USP15: variants seen among roughly 807,000 people sequenced by gnomAD.
USP15 encodes ubiquitin carboxyl-terminal hydrolase 15.
Under a neutral mutation model 127.1 loss-of-function variants are expected in USP15, and 18 were observed. The ratio of observed to expected loss-of-function variants is 0.14; its 90% CI spans 0.10 to 0.21. USP15 has a LOEUF of 0.21. Ranked by LOEUF, USP15 falls within the 10% of genes least tolerant of loss-of-function variation. The probability of loss-of-function intolerance (pLI) is 1.00; values close to 1 mark genes in which losing one functional copy is unlikely to be tolerated. For synonymous variants in USP15, 364 were observed against 393.7 expected (o/e 0.92, Z 0.89); for missense variants, 805 against 1,159.9 (o/e 0.69, Z 4.44).
chr12:62,307,212 C>G (rs1487753898), intron 3 of USP15, among the ~76,000 whole-genome samples: 1 of 152,126 alleles, frequency 6.6e-6, no homozygotes, highest in Non-Finnish European at 1.5e-5. Context: ...CTTTGACCTC[C>G]CAAACTCCAA....
At chr12:62,338,817 G>A (rs987019311) in intron 6 of USP15, among the ~76,000 whole-genome samples, 1 of 151,826 alleles carries the variant, frequency 6.6e-6, no homozygotes, top group African/African-American at 2.4e-5. Flanking sequence ...CTGTTCTGTT[G>A]CATTGGTCTA....
chr12:62,291,530 T>A (rs904629117), intron 1 of USP15, among the ~76,000 whole-genome samples: 7 of 152,212 alleles, frequency 4.6e-5, no homozygotes, highest in Admixed American at 1.3e-4. Flanking sequence ...TTGGTTAGGA[T>A]TTATTGCTAG....
chr12:62,393,942 AAC>A (rs1483488779), intron 19 of USP15: 1 of 152,236 alleles, frequency 6.6e-6, no homozygotes, highest in East Asian at 1.9e-4. Context: ...TTAGAAGGAT[AAC>A]ACAGTAGTGA....
intron 1 of USP15, among the ~76,000 whole-genome samples, chr12:62,260,727 A>AGCG (rs879098451): frequency 3.3e-5 from 5 of 152,038 alleles, no homozygotes; most frequent in South Asian, 2.1e-4. Flanking sequence ...GTATCCGGGG[A>AGCG]GCGGCGGCGG....
At chr12:62,263,137 ATTTAG>A (rs772681357) in intron 1 of USP15, among the ~76,000 whole-genome samples, 11 of 152,064 alleles carry the variant, frequency 7.2e-5, no homozygotes, top group African/African-American at 1.2e-4. Flanking sequence ...ATATGTAATA[ATTTAG>A]TTTATGTTTT....
intron 6 of USP15, chr12:62,335,672 C>T (rs1001973229): frequency 1.2e-5 from 12 of 986,316 alleles, no homozygotes; most frequent in East Asian, 2.3e-4. Flanking sequence ...TCTTTAAAAC[C>T]AAAAACCATA....
At chr12:62,366,732 C>G (rs1230371643) in intron 8 of USP15, among the ~76,000 whole-genome samples, 1 of 152,104 alleles carries the variant, frequency 6.6e-6, no homozygotes, top group Non-Finnish European at 1.5e-5. Flanking sequence ...CCATCAATAC[C>G]TAGTTTATTG....
At chr12:62,321,176 A>G (rs1453774317) in intron 4 of USP15, among the ~76,000 whole-genome samples, 2 of 152,152 alleles carry the variant, frequency 1.3e-5, no homozygotes, top group Non-Finnish European at 2.9e-5. Flanking sequence ...TAAAATTTAA[A>G]GTTTATCCTG....
chr12:62,316,112 C>G (rs9971743), intron 4 of USP15, among the ~76,000 whole-genome samples: 152 of 151,980 alleles, frequency 1.0e-3, no homozygotes, highest in African/African-American at 3.6e-3. Context: ...TGGTGAAACC[C>G]CATCTCTACT....
chr12:62,307,010 C>T (rs1025918125), intron 3 of USP15, among the ~76,000 whole-genome samples: 1 of 152,106 alleles, frequency 6.6e-6, no homozygotes, highest in Non-Finnish European at 1.5e-5. Context: ...AAGAAGCTTA[C>T]GGGCAACCCC....
chr12:62,304,374 C>T (rs79585045), intron 3 of USP15, among the ~76,000 whole-genome samples: 4,048 of 152,212 alleles, frequency 0.027, 94 homozygotes, highest in Middle Eastern at 0.051. Context: ...TATTACATTG[C>T]GTGGAGTTCT....
chr12:62,270,930 G>A (rs992071717), intron 1 of USP15, among the ~76,000 whole-genome samples: 3 of 151,816 alleles, frequency 2.0e-5, no homozygotes, highest in African/African-American at 4.8e-5. Flanking sequence ...TCTCTCATTC[G>A]AAATCTACCC....
At chr12:62,384,460 A>C (rs1394920261) in intron 11 of USP15, among the ~76,000 whole-genome samples, 158 bp downstream of exon 11, 1 of 151,312 alleles carries the variant, frequency 6.6e-6, no homozygotes, top group Non-Finnish European at 1.5e-5. Context: ...TTATAAGCTG[A>C]ATACTTTGGA....
intron 1 of USP15, among the ~76,000 whole-genome samples, chr12:62,281,401 C>T (rs951513707): frequency 6.6e-5 from 10 of 151,510 alleles, no homozygotes; most frequent in Non-Finnish European, 1.3e-4. Context: ...CAGTGGCATG[C>T]TCTCAGCTCA....
At chr12:62,297,063 C>T (rs1312415305) in intron 2 of USP15, among the ~76,000 whole-genome samples, 1 of 152,118 alleles carries the variant, frequency 6.6e-6, no homozygotes, top group South Asian at 2.1e-4. Flanking sequence ...GCTTCTCTCC[C>T]AGGAAGGAAG....
chr12:62,298,167 C>T (rs1316491904), intron 2 of USP15, among the ~76,000 whole-genome samples: 2 of 151,988 alleles, frequency 1.3e-5, no homozygotes, highest in Non-Finnish European at 2.9e-5. Context: ...TCAAATGAAC[C>T]AATTTGTGTG....
At chr12:62,379,531 A>T (rs1335182503) in intron 8 of USP15, among the ~76,000 whole-genome samples, 1 of 152,160 alleles carries the variant, frequency 6.6e-6, no homozygotes. Context: ...AGATAAGAGT[A>T]TATGTGAATA....
intron 1 of USP15, among the ~76,000 whole-genome samples, chr12:62,270,716 A>G (rs1460844489): frequency 6.6e-6 from 1 of 152,120 alleles, no homozygotes; most frequent in Non-Finnish European, 1.5e-5. Context: ...TGATTGACAT[A>G]TACCAGTACC....
In USP15 at chr12:62,409,588, A is replaced by G. The variant is rs1166379297; in HGVS notation, c.*5213A>G. ...TAAAGTTTTTTTTCTCATGTCAGGA[A>G]CTTGCAGCTTGTTCTATATAGTTTG... On this transcript the variant is annotated 3_prime_UTR_variant, in exon 22 of 22. Coordinates refer to ENST00000280377, the MANE Select transcript of USP15 (RefSeq NM_001252078.2). The G allele has an allele frequency of 6.6e-6, 1 of 152,170 alleles. No individual in the cohort carries two copies. Among genetic ancestry groups the G allele is most frequent in the Admixed American group, 6.6e-5 (1 of 15,260 alleles). The allele number at this position is 152,170 out of a possible 1,614,324, so 9.4% of individuals were successfully genotyped here.
Sources: gnomAD v4.1 joint callset for allele counts (sites outside exome capture counted in the v4.1 genomes callset) on GRCh38, gnomAD v4.1.1 for gene constraint, MANE v1.5 for transcripts, NCBI Gene and HGNC (gene_info 2026-07-23, HGNC 2026-07-21) for gene names.